MTMR3: variants seen among roughly 807,000 people sequenced by gnomAD.
MTMR3 encodes phosphatidylinositol-3,5-bisphosphate 3-phosphatase MTMR3.
MTMR3 carries 32 observed loss-of-function variants against 132.4 expected under a neutral mutation model. The ratio of observed to expected loss-of-function variants is 0.24; its 90% CI spans 0.18 to 0.32. MTMR3 has a LOEUF of 0.32. MTMR3 is among the 10% of genes least tolerant of loss of function. The pLI is 1.00. For synonymous variants in MTMR3, 556 were observed against 550.3 expected, an observed-to-expected ratio of 1.01 and a Z score of -0.14; for missense variants, 1,216 against 1,489.6, an observed-to-expected ratio of 0.82 and a Z score of 3.02.
At chr22:29,908,010 A>G (rs887915734) in intron 1 of MTMR3, among the ~76,000 whole-genome samples, 1 of 152,228 alleles carries the variant, frequency 6.6e-6, no homozygotes, top group Admixed American at 6.5e-5. Flanking sequence ...CATTGGTAGA[A>G]GGCAGCCAAG....
chr22:29,963,230 A>G (rs1364558659), intron 2 of MTMR3, among the ~76,000 whole-genome samples: 2 of 152,012 alleles, frequency 1.3e-5, no homozygotes, highest in Admixed American at 1.3e-4. Flanking sequence ...TACAGGCATG[A>G]GCCACCATGC....
At position 30,013,361 on chromosome 22, in the gene MTMR3, C is replaced by T. The variant is rs778214275; in HGVS notation, c.1323C>T (p.Phe441=). The change falls in exon 14 of 20, where the codon TTC becomes TTT. Residue 441 remains phenylalanine, a synonymous_variant. Transcript: ENST00000401950. The part of the protein sequence containing the change: ...LDPYYRTIEG[F]QVLVEMEWLD... ...TCCTGGATGCTTCCCTGCAGGGTTT[C>T]CAGGTCCTCGTGGAAATGGAGTGGC... is the stretch of plus-strand genomic sequence containing the variant. 1.2e-6 allele frequency: 2 copies of T among 1,613,728 alleles called. No homozygotes were observed. Among genetic ancestry groups the T allele is most frequent in the South Asian group, 2.2e-5 (2 of 91,036 alleles).
chr22:29,995,694 G>C (rs1164114691), intron 7 of MTMR3: 1 of 152,160 alleles, frequency 6.6e-6, no homozygotes, highest in Non-Finnish European at 1.5e-5. Flanking sequence ...AAGAAAGTTG[G>C]GATATCACAA....
At chr22:29,897,120 G>A (rs530670574) in intron 1 of MTMR3, among the ~76,000 whole-genome samples, 4 of 145,648 alleles carry the variant, frequency 2.7e-5, no homozygotes, top group East Asian at 2.0e-4. Flanking sequence ...TCGCTCTGTC[G>A]CCAGGCTGGA....
At chr22:29,995,308 T>C (rs923039271) in intron 7 of MTMR3, 3 of 152,254 alleles carry the variant, frequency 2.0e-5, no homozygotes, top group Non-Finnish European at 2.9e-5. Context: ...GAAAATCTGC[T>C]AAGAGGTAGT....
chr22:29,886,231 G>A (rs1285196885), intron 1 of MTMR3, among the ~76,000 whole-genome samples: 2 of 152,200 alleles, frequency 1.3e-5, no homozygotes, highest in Non-Finnish European at 2.9e-5. Flanking sequence ...ATAGGGCTCT[G>A]GGTAGGAAAG....
Position 30,020,455 on chromosome 22 carries a change from A to G in MTMR3, c.2796A>G (p.Pro932=), listed in dbSNP as rs757215974. The G allele has an allele frequency of 1.2e-6, 2 of 1,614,160 alleles. No individual in the cohort carries two copies. The highest frequency in any genetic ancestry group is 3.3e-5 in the Admixed American group (2 of 60,032). Residue 932 remains proline, a synonymous_variant, in exon 17 of 20, where the codon CCA becomes CCG. Coordinates refer to ENST00000401950, the MANE Select transcript of MTMR3 (RefSeq NM_021090.4). ...CKEGLVCNGA[P]ETENRASEQP... ...AGGGGCTTGTGTGCAATGGTGCCCCAGAGACTGAAAACAGGGCCTCAGAGC... is the reference window on the plus strand; with the variant it reads ...AGGGGCTTGTGTGCAATGGTGCCCCGGAGACTGAAAACAGGGCCTCAGAGC...
intron 1 of MTMR3, among the ~76,000 whole-genome samples, chr22:29,888,654 G>A (rs1246413802): frequency 6.6e-6 from 1 of 151,788 alleles, no homozygotes; most frequent in African/African-American, 2.4e-5. Context: ...CAGAGGTATT[G>A]TCTTGATGCT....
At chr22:29,953,000 C>G (rs1352273323) in intron 1 of MTMR3, among the ~76,000 whole-genome samples, 1 of 151,976 alleles carries the variant, frequency 6.6e-6, no homozygotes, top group African/African-American at 2.4e-5. Context: ...AAATTTTGCA[C>G]CTCTTGAATT....
chr22:30,003,471 G>C (rs2067216300), intron 9 of MTMR3: 1 of 152,178 alleles, frequency 6.6e-6, no homozygotes. Flanking sequence ...TGACTAGATA[G>C]AAGATTTCAG....
chr22:29,970,675 G>C (rs2066515818), intron 2 of MTMR3, among the ~76,000 whole-genome samples: 1 of 151,824 alleles, frequency 6.6e-6, no homozygotes, highest in African/African-American at 2.4e-5. Flanking sequence ...ATTCATCCAA[G>C]TTTTATGATA....
intron 1 of MTMR3, among the ~76,000 whole-genome samples, chr22:29,897,061 TTTTTTC>T (rs796081148): frequency 6.6e-5 from 10 of 152,004 alleles, no homozygotes; most frequent in Admixed American, 3.3e-4. Context: ...TCAGTAGATT[TTTTTTC>T]TTTTTCTTTT....
At chr22:29,947,662 T>A (rs1214003693) in intron 1 of MTMR3, among the ~76,000 whole-genome samples, 1 of 152,194 alleles carries the variant, frequency 6.6e-6, no homozygotes, top group Non-Finnish European at 1.5e-5. Flanking sequence ...TTCCTTTTAC[T>A]ACTTGTTAGC....
At chr22:29,964,327 T>G (rs1001433560) in intron 2 of MTMR3, among the ~76,000 whole-genome samples, 1 of 152,134 alleles carries the variant, frequency 6.6e-6, no homozygotes, top group South Asian at 2.1e-4. Flanking sequence ...ATTTGTAGTG[T>G]TTTTTGTTTG....
At chr22:29,948,876 A>C (rs568903166) in intron 1 of MTMR3, among the ~76,000 whole-genome samples, 1 of 151,386 alleles carries the variant, frequency 6.6e-6, no homozygotes, top group African/African-American at 2.4e-5. Flanking sequence ...AGGCTGAGGC[A>C]GGAGGATTGC....
At chr22:29,971,802 A>G (rs1024368569) in intron 3 of MTMR3, among the ~76,000 whole-genome samples, 3 of 152,128 alleles carry the variant, frequency 2.0e-5, no homozygotes, top group African/African-American at 7.2e-5. Context: ...ATTTTCATCA[A>G]TCCTGAGGAA....
In MTMR3 at chr22:30,028,959, C is replaced by T. The variant is rs532285206; in HGVS notation, c.*3158C>T. 2.0e-5 allele frequency: 3 copies of T among 152,448 alleles called. No individual in the cohort carries two copies. The East Asian group carries it at 5.6e-4, about 29-fold the overall frequency. The allele number at this position is 152,448 out of a possible 1,614,324, so 9.4% of individuals were successfully genotyped here. ...GTGTCTACACACAGCCACTATTGTTCCTGTGGGCTAGTCTCCAGCAAATTA... is the reference window on the plus strand; with the variant it reads ...GTGTCTACACACAGCCACTATTGTTTCTGTGGGCTAGTCTCCAGCAAATTA... On this transcript the variant is annotated 3_prime_UTR_variant, in exon 20 of 20. Transcript: ENST00000401950.
chr22:30,022,168 C>T (rs771110413), intron 18 of MTMR3, 29 bp downstream of exon 18: 7 of 1,565,386 alleles, frequency 4.5e-6, no homozygotes, highest in Middle Eastern at 1.7e-4. Flanking sequence ...CTCTGAGTGC[C>T]ATCAATTTAA....
At chr22:29,937,039 C>A (rs962716171) in intron 1 of MTMR3, among the ~76,000 whole-genome samples, 4 of 152,052 alleles carry the variant, frequency 2.6e-5, no homozygotes, top group Admixed American at 6.6e-5. Context: ...CAAGCACCCC[C>A]CTTCTACAGC....
Sources: gnomAD v4.1 joint callset for allele counts (sites outside exome capture counted in the v4.1 genomes callset) on GRCh38, gnomAD v4.1.1 for gene constraint, MANE v1.5 for transcripts, NCBI Gene and HGNC (gene_info 2026-07-23, HGNC 2026-07-21) for gene names.